Variants in PSMD11 observed in about 807,000 individuals in gnomAD.
PSMD11 encodes proteasome 26S subunit, non-ATPase 11, also known as 26S proteasome non-ATPase regulatory subunit 11.
A neutral mutation model predicts 62.3 loss-of-function variants in PSMD11; 5 were observed. That is an observed-to-expected ratio of 0.08 (90% CI 0.04 to 0.17). The LOEUF (loss-of-function observed/expected upper bound fraction) is 0.17, where lower values mean the gene tolerates loss of function less well. Among genes scored for constraint, PSMD11 ranks in the 10% least tolerant of loss-of-function variants. The pLI is 1.00. For synonymous variants in PSMD11, 191 were observed against 191.8 expected (o/e 1.00, Z 0.03); for missense variants, 310 against 512.9 (o/e 0.60, Z 3.82).
At position 32,454,710 on chromosome 17, in the gene PSMD11, GA is replaced by G. The variant is rs1907600392; in HGVS notation, c.318+93del. On this transcript the variant is annotated intron_variant, in intron 3 of 13. Transcript: ENST00000261712. ...CTACCTGCACTTTAGTACTAATGTG[GA>G]AGGGAAAACTGGGAGGACAGCGCAG... The G allele has an allele frequency of 7.8e-6, 11 of 1,408,676 alleles. No homozygotes were observed. The South Asian group carries it at 1.3e-4, about 17-fold the overall frequency. 87.3% of individuals were successfully genotyped at this position (1,408,676 alleles called of 1,614,324 possible).
In PSMD11 at chr17:32,479,315, T is replaced by G; in HGVS notation, c.977T>G (p.Leu326Trp). The G allele has an allele frequency of 6.2e-7, 1 of 1,614,214 alleles. No individual in the cohort carries two copies. The highest frequency in any genetic ancestry group is 8.5e-7 in the Non-Finnish European group (1 of 1,180,024). Residue 326 changes from leucine to tryptophan, a missense_variant, in exon 10 of 14, where the codon TTG becomes TGG. By Grantham distance (61) the Leu-to-Trp change is moderately conservative. Coordinates refer to ENST00000261712, the MANE Select transcript of PSMD11 (RefSeq NM_002815.4). ...ATCATCAGCACACACTTGGCCAAGT[T>G]GTATGATAACTTACTAGAACAGAAT... ...DPIISTHLAKLYDNLLEQNLI... is the reference protein window; with the variant it reads ...DPIISTHLAKWYDNLLEQNLI...
intron 2 of PSMD11, among the ~76,000 whole-genome samples, chr17:32,447,923 C>T (rs184675728): frequency 1.9e-4 from 28 of 151,220 alleles, no homozygotes; most frequent in African/African-American, 5.4e-4. Context: ...CTGTGTCACC[C>T]GGGTTGGAGT....
chr17:32,468,286 G>A lies in PSMD11; in HGVS notation c.449-713G>A, dbSNP rs1370009487. On this transcript the variant is annotated intron_variant, in intron 5 of 13. Coordinates refer to ENST00000261712, the MANE Select transcript of PSMD11 (RefSeq NM_002815.4). ...CAATTTTTTTTTCTTTGTTCTGTGGGTTGTTTTTTTCCTTCGATGACGTCC... is the reference window on the plus strand; with the variant it reads ...CAATTTTTTTTTCTTTGTTCTGTGGATTGTTTTTTTCCTTCGATGACGTCC... Among the ~76,000 whole-genome samples, 8 of 152,174 alleles carry A rather than the reference G, an allele frequency of 5.3e-5. 1 individual carries two copies. The South Asian group carries it at 1.7e-3, about 32-fold the overall frequency.
At chr17:32,475,085 T>G (rs979691118) in intron 8 of PSMD11, among the ~76,000 whole-genome samples, 1 of 152,200 alleles carries the variant, frequency 6.6e-6, no homozygotes, top group Non-Finnish European at 1.5e-5. Flanking sequence ...TGCAGTGAGT[T>G]AGTTTGCATT....
chr17:32,449,903 C>T (rs574742486), intron 2 of PSMD11, among the ~76,000 whole-genome samples: 1 of 152,222 alleles, frequency 6.6e-6, no homozygotes. Context: ...AAGATAGGAT[C>T]CCTGGCCAAC....
intron 1 of PSMD11, chr17:32,445,621 C>T (rs1450934585): frequency 6.6e-6 from 1 of 152,230 alleles, no homozygotes; most frequent in Non-Finnish European, 1.5e-5. Flanking sequence ...ACTAGCTCTT[C>T]ACTGCACATG....
intron 6 of PSMD11, among the ~76,000 whole-genome samples, chr17:32,470,421 T>C (rs1338309806): frequency 2.6e-5 from 4 of 152,142 alleles, no homozygotes; most frequent in African/African-American, 9.7e-5. Flanking sequence ...CAAGCGATTC[T>C]CCTGTCTCAG....
intron 10 of PSMD11, 128 bp from the exon 11 acceptor site, chr17:32,479,723 C>A: frequency 9.1e-7 from 1 of 1,097,918 alleles, no homozygotes; most frequent in Non-Finnish European, 1.3e-6. Context: ...GAGACTTAAG[C>A]ACGGCCAAGG....
rs940396941 is a variant in PSMD11, at chr17:32,480,845, C to G, written c.*93C>G. 3 of 501,878 alleles carry G rather than the reference C, an allele frequency of 6.0e-6. No homozygotes were observed. The highest frequency in any genetic ancestry group is 1.0e-5 in the Non-Finnish European group (3 of 300,352). 31.1% of individuals were successfully genotyped at this position (501,878 alleles called of 1,614,324 possible). A position where few individuals can be genotyped will look rare whatever the true frequency, so the allele number is the denominator to read the frequency against. The stretch of plus-strand genomic sequence containing the variant: ...TAGGAGATTCTTTTTTCTTTTTGTT[C>G]TACTTTTCGCTCGGAAAGTTTTTAA... On this transcript the variant is annotated 3_prime_UTR_variant, in exon 14 of 14. Transcript: ENST00000261712.
At chr17:32,467,872 G>A (rs761311933) in intron 5 of PSMD11, among the ~76,000 whole-genome samples, 1 of 152,092 alleles carries the variant, frequency 6.6e-6, no homozygotes, top group East Asian at 1.9e-4. Context: ...GTAAACTTGC[G>A]TCATGCAGTT....
intron 8 of PSMD11, 22 bp downstream of exon 8, chr17:32,474,846 G>T (rs1415937236): frequency 1.2e-6 from 2 of 1,606,362 alleles, no homozygotes; most frequent in Admixed American, 3.3e-5. Flanking sequence ...CTTGACTGCA[G>T]TTCTGCTCAC....
At chr17:32,455,871 C>G (rs545550671) in intron 3 of PSMD11, among the ~76,000 whole-genome samples, 1 of 152,012 alleles carries the variant, frequency 6.6e-6, no homozygotes, top group Non-Finnish European at 1.5e-5. Context: ...AGTCCGGGTG[C>G]GGTGGCTCAC....
chr17:32,464,488 C>A, intron 4 of PSMD11, 33 bp from the exon 5 acceptor site: 1 of 1,526,294 alleles, frequency 6.6e-7, no homozygotes, highest in East Asian at 2.3e-5. Context: ...GCTTTTTCCC[C>A]CCCCTTCAAT....
chr17:32,466,209 C>T (rs1378688430), intron 5 of PSMD11, among the ~76,000 whole-genome samples: 3 of 152,148 alleles, frequency 2.0e-5, no homozygotes, highest in African/African-American at 7.2e-5. Flanking sequence ...TTTGGTCAGG[C>T]TGGTCTCAAA....
chr17:32,456,143 C>CAAA (rs551469411), intron 3 of PSMD11, among the ~76,000 whole-genome samples: 9 of 58,082 alleles, frequency 1.5e-4, no homozygotes, highest in Admixed American at 5.4e-4. Context: ...GACTCTGTCT[C>CAAA]AAAAAAAAAA....
intron 3 of PSMD11, among the ~76,000 whole-genome samples, chr17:32,456,143 C>CAAAAAAAA: frequency 1.7e-5 from 1 of 58,252 alleles, no homozygotes; most frequent in Non-Finnish European, 3.5e-5. Context: ...GACTCTGTCT[C>CAAAAAAAA]AAAAAAAAAA....
At chr17:32,479,754 T>G (rs1908435438) in intron 10 of PSMD11, 97 bp from the exon 11 acceptor site, 1 of 1,418,256 alleles carries the variant, frequency 7.1e-7, no homozygotes, top group African/African-American at 1.4e-5. Flanking sequence ...ATTAGAATTT[T>G]GAGAAATACA....
intron 9 of PSMD11, 145 bp from the exon 10 acceptor site, chr17:32,479,106 T>C (rs1186622527): frequency 3.5e-6 from 4 of 1,135,610 alleles, no homozygotes; most frequent in Middle Eastern, 2.2e-4. Flanking sequence ...CCTTTTCTGC[T>C]TTGTATCATG....
chr17:32,462,511 G>A (rs1907871474), intron 3 of PSMD11, among the ~76,000 whole-genome samples: 2 of 152,166 alleles, frequency 1.3e-5, no homozygotes, highest in South Asian at 4.1e-4. Context: ...TAGCCACCAG[G>A]GGGCTCCAGT....
Sources: gnomAD v4.1 joint callset for allele counts (sites outside exome capture counted in the v4.1 genomes callset) on GRCh38, gnomAD v4.1.1 for gene constraint, MANE v1.5 for transcripts, NCBI Gene and HGNC (gene_info 2026-07-23, HGNC 2026-07-21) for gene names.